HSD17B4: variants seen among roughly 807,000 people sequenced by gnomAD.
HSD17B4 encodes the protein hydroxysteroid 17-beta dehydrogenase 4, also known as peroxisomal multifunctional enzyme type 2.
In HSD17B4, 70 loss-of-function variants were observed where a neutral mutation model predicts 101.0. The ratio of observed to expected loss-of-function variants is 0.69; its 90% CI spans 0.57 to 0.85. HSD17B4 has a LOEUF of 0.85. Among genes scored for constraint, HSD17B4 ranks in the 40% least tolerant of loss-of-function variants. The pLI, the probability that HSD17B4 is intolerant of heterozygous loss-of-function variation, is 0.00. For missense variants in HSD17B4, 984 were observed against 892.4 expected (o/e 1.10, Z -1.31); for synonymous variants, 347 against 297.1 (o/e 1.17, Z -1.73).
chr5:119,454,858 A>G (rs546274768), intron 1 of HSD17B4, among the ~76,000 whole-genome samples: 2 of 152,164 alleles, frequency 1.3e-5, no homozygotes, highest in East Asian at 3.9e-4. Context: ...CAGACCTCAA[A>G]TGATCCGCCC....
At position 119,526,015 on chromosome 5, in the gene HSD17B4, G is replaced by A; in HGVS notation, c.1672G>A (p.Ala558Thr). The A allele has an allele frequency of 6.4e-7, 1 of 1,567,864 alleles. No individual in the cohort carries two copies. Among genetic ancestry groups the A allele is most frequent in the Non-Finnish European group, 8.8e-7 (1 of 1,138,160 alleles). Residue 558 changes from alanine to threonine, a missense_variant, in exon 19 of 24, where the codon GCA becomes ACA. Coordinates refer to ENST00000510025, the MANE Select transcript of HSD17B4 (RefSeq NM_000414.4). Reference protein sequence around the residue: ...FADNDVSRFKAIKARFAKPVY... With the variant: ...FADNDVSRFKTIKARFAKPVY... ...AGATAATGATGTGTCAAGATTCAAG[G>A]CAATTAAGGTAAATGTGTATTACTA...
chr5:119,469,586 C>A (rs1246932878), intron 2 of HSD17B4, among the ~76,000 whole-genome samples: 2 of 152,134 alleles, frequency 1.3e-5, no homozygotes, highest in East Asian at 1.9e-4. Context: ...AACTCCTGAC[C>A]TCAAGTGATC....
intron 14 of HSD17B4, among the ~76,000 whole-genome samples, chr5:119,503,475 A>G (rs746265263): frequency 2.0e-5 from 3 of 152,152 alleles, no homozygotes; most frequent in Non-Finnish European, 2.9e-5. Flanking sequence ...GTAAATGTGA[A>G]TGTTCAAAAT....
chr5:119,458,866 T>C (rs1337321439), intron 2 of HSD17B4, among the ~76,000 whole-genome samples: 1 of 152,158 alleles, frequency 6.6e-6, no homozygotes, highest in Non-Finnish European at 1.5e-5. Context: ...GGGAATTCAG[T>C]AGTTTTGAGG....
In HSD17B4 at chr5:119,497,210, G is replaced by T. The variant is rs534884921; in HGVS notation, c.972+564G>T. Among the ~76,000 whole-genome samples, 350 of 28,894 alleles carry T rather than the reference G, an allele frequency of 0.012. 8 individuals carry two copies. The East Asian group carries it at 0.33, about 27-fold the overall frequency. 19.0% of individuals were successfully genotyped at this position (28,894 alleles called of 152,430 possible). On this transcript the variant is annotated intron_variant, in intron 12 of 23. Transcript: ENST00000510025. Reference sequence around the variant, plus strand: ...CATATAATTTTTGGTAGGCTCCATTGGGGGGTGTGATGAATCAGGTTAGCT... The same window carrying T: ...CATATAATTTTTGGTAGGCTCCATTTGGGGGTGTGATGAATCAGGTTAGCT...
intron 8 of HSD17B4, among the ~76,000 whole-genome samples, chr5:119,482,292 A>T (rs1057351781): frequency 6.6e-6 from 1 of 152,108 alleles, no homozygotes; most frequent in African/African-American, 2.4e-5. Context: ...TTTGATTTCT[A>T]GCATTTTCTT....
chr5:119,537,082 T>C (rs1013732971), intron 23 of HSD17B4, among the ~76,000 whole-genome samples: 7 of 152,134 alleles, frequency 4.6e-5, no homozygotes, highest in African/African-American at 1.7e-4. Flanking sequence ...GAGAAAAATT[T>C]GTTATTTTCA....
chr5:119,485,304 CATTT>C (rs1749518966), intron 8 of HSD17B4, among the ~76,000 whole-genome samples: 1 of 152,064 alleles, frequency 6.6e-6, no homozygotes, highest in Admixed American at 6.6e-5. Context: ...AATATGGTAT[CATTT>C]ATTTGAACAG....
chr5:119,485,492 T>C (rs1369825175), intron 8 of HSD17B4, among the ~76,000 whole-genome samples: 1 of 152,194 alleles, frequency 6.6e-6, no homozygotes, highest in African/African-American at 2.4e-5. Context: ...TTCCTTTAAT[T>C]TTGGGACTAT....
chr5:119,511,047 G>A (rs1752123876), intron 16 of HSD17B4, among the ~76,000 whole-genome samples: 1 of 152,144 alleles, frequency 6.6e-6, no homozygotes, highest in Non-Finnish European at 1.5e-5. Flanking sequence ...GAGGTTCCGT[G>A]GTTGGAGAGT....
At position 119,539,300 on chromosome 5, in the gene HSD17B4, G is replaced by A. The variant is rs1024714285; in HGVS notation, c.2122-2605G>A. Reference sequence around the variant, plus strand: ...TGTCCTTTGTAGGGACATGGATGAAGCTGGAAACCATCATTCTCAGCAAAC... The same window carrying A: ...TGTCCTTTGTAGGGACATGGATGAAACTGGAAACCATCATTCTCAGCAAAC... On this transcript the variant is annotated intron_variant, in intron 23 of 23. Transcript: ENST00000510025. Among the ~76,000 whole-genome samples the A allele has an allele frequency of 2.0e-5, 3 of 152,068 alleles. No individual in the cohort carries two copies. In the South Asian group the frequency reaches 6.2e-4, roughly 31 times the overall value.
intron 6 of HSD17B4, among the ~76,000 whole-genome samples, chr5:119,476,890 CAATT>C (rs1748639150): frequency 6.6e-6 from 1 of 152,244 alleles, no homozygotes; most frequent in African/African-American, 2.4e-5. Context: ...AAAAACTTGA[CAATT>C]AAAATCTAGA....
intron 9 of HSD17B4, among the ~76,000 whole-genome samples, chr5:119,489,798 CAT>C (rs1161269382): frequency 6.6e-6 from 1 of 152,034 alleles, no homozygotes; most frequent in Non-Finnish European, 1.5e-5. Flanking sequence ...ATAAATATAA[CAT>C]TATTTATTTT....
chr5:119,499,989 A>T (rs1417716102), intron 13 of HSD17B4, among the ~76,000 whole-genome samples: 2 of 152,194 alleles, frequency 1.3e-5, no homozygotes, highest in East Asian at 1.9e-4. Flanking sequence ...TAGGGCCAGC[A>T]TAGCTGTAGA....
intron 2 of HSD17B4, among the ~76,000 whole-genome samples, chr5:119,473,460 A>AGATACATG (rs1190341947): frequency 6.6e-6 from 1 of 151,130 alleles, no homozygotes; most frequent in African/African-American, 2.4e-5. Context: ...CTGGGACTAC[A>AGATACATG]GATACATGCC....
chr5:119,498,316 G>A (rs1012593703), intron 12 of HSD17B4, among the ~76,000 whole-genome samples: 1 of 152,100 alleles, frequency 6.6e-6, no homozygotes, highest in Non-Finnish European at 1.5e-5. Flanking sequence ...AAATATTTTA[G>A]GCTCTGTGGG....
chr5:119,478,064 T>C (rs941968097), intron 7 of HSD17B4: 2 of 157,650 alleles, frequency 1.3e-5, no homozygotes, highest in Non-Finnish European at 2.8e-5. Context: ...CCTTATTCTG[T>C]AACCCGAATA....
intron 17 of HSD17B4, among the ~76,000 whole-genome samples, chr5:119,521,600 C>T (rs1277356630): frequency 6.6e-6 from 1 of 151,722 alleles, no homozygotes; most frequent in Admixed American, 6.6e-5. Context: ...TTCATTTCTG[C>T]CCTTTCTGCC....
intron 8 of HSD17B4, chr5:119,487,383 G>A (rs1425869137): frequency 6.6e-6 from 1 of 151,748 alleles, no homozygotes; most frequent in Non-Finnish European, 1.5e-5. Context: ...TAGTATTGTG[G>A]AAGAAACACT....
Sources: gnomAD v4.1 joint callset for allele counts (sites outside exome capture counted in the v4.1 genomes callset) on GRCh38, gnomAD v4.1.1 for gene constraint, MANE v1.5 for transcripts, NCBI Gene and HGNC (gene_info 2026-07-23, HGNC 2026-07-21) for gene names.